The following AP1S3 variants were observed in gnomAD, a reference collection of about 807,000 sequenced individuals.
AP1S3 encodes AP-1 complex subunit sigma-3.
In AP1S3, 10 loss-of-function variants were observed where a neutral mutation model predicts 20.9. The observed-to-expected ratio is 0.48, with a 90% confidence interval of 0.29 to 0.81. AP1S3 has a LOEUF of 0.81. Among genes scored for constraint, AP1S3 ranks in the 30% least tolerant of loss-of-function variants. AP1S3 has a pLI of 0.08. For synonymous variants in AP1S3, 41 were observed against 61.5 expected, an observed-to-expected ratio of 0.67 and a Z score of 1.56; for missense variants, 154 against 183.8, an observed-to-expected ratio of 0.84 and a Z score of 0.94.
At chr2:223,817,357 C>A (rs1276156199) in intron 1 of AP1S3, among the ~76,000 whole-genome samples, 1 of 151,966 alleles carries the variant, frequency 6.6e-6, no homozygotes, top group African/African-American at 2.4e-5. Flanking sequence ...GCCTATAATC[C>A]CAGAACTTTG....
chr2:223,830,348 A>T (rs957450865), intron 1 of AP1S3, among the ~76,000 whole-genome samples: 2 of 151,604 alleles, frequency 1.3e-5, no homozygotes, highest in Non-Finnish European at 2.9e-5. Flanking sequence ...GCGTGTTGGC[A>T]TGCACCTGTA....
At chr2:223,759,687 G>T (rs190214844) in intron 4 of AP1S3, among the ~76,000 whole-genome samples, 2 of 152,166 alleles carry the variant, frequency 1.3e-5, no homozygotes, top group African/African-American at 4.8e-5. Context: ...GTATCATGGG[G>T]ATTTGTTATA....
At position 223,765,338 on chromosome 2, in the gene AP1S3, C is replaced by T; in HGVS notation, c.304G>A (p.Asp102Asn). 1 of 1,612,948 alleles carries T rather than the reference C, an allele frequency of 6.2e-7. No homozygotes were observed. Among genetic ancestry groups the T allele is most frequent in the East Asian group, 2.2e-5 (1 of 44,848 alleles). The change falls in exon 4 of 5, where the codon GAT (aspartate) becomes AAT (asparagine). Residue 102 changes from aspartate to asparagine, a missense_variant. Coordinates refer to ENST00000396654, the MANE Select transcript of AP1S3 (RefSeq NM_001039569.2). Reference protein sequence around the residue: ...DKYFGNVCELDIIFNFEKAYF... With the variant: ...DKYFGNVCELNIIFNFEKAYF... ...GCCTTTTCAAAATTAAAGATAATAT[C>T]CAGCTCACAGACCTGGTGGGACAAA...
At chr2:223,766,187 T>C (rs1426398237) in intron 3 of AP1S3, among the ~76,000 whole-genome samples, 5 of 152,212 alleles carry the variant, frequency 3.3e-5, no homozygotes, top group Non-Finnish European at 5.9e-5. Flanking sequence ...GCTGTTCTCC[T>C]GAAACTCTGC....
At chr2:223,830,883 A>G (rs1692242283) in intron 1 of AP1S3, among the ~76,000 whole-genome samples, 1 of 152,260 alleles carries the variant, frequency 6.6e-6, no homozygotes, top group Non-Finnish European at 1.5e-5. Context: ...GAAAGTTTTT[A>G]GAAGAGGGAT....
intron 1 of AP1S3, among the ~76,000 whole-genome samples, chr2:223,815,323 CT>C (rs963833783): frequency 6.6e-6 from 1 of 152,190 alleles, no homozygotes; most frequent in African/African-American, 2.4e-5. Context: ...GAGAGGCAGA[CT>C]TTGAAGGAGC....
At chr2:223,802,306 TA>T (rs149839615) in intron 1 of AP1S3, among the ~76,000 whole-genome samples, 48,237 of 148,200 alleles carry the variant, frequency 0.33, 8,206 homozygotes, top group African/African-American at 0.4. Flanking sequence ...AGTTTTATTT[TA>T]TTTTTTTTTT....
rs550638882 is a variant in AP1S3 at position 223,788,597 on chromosome 2, CA to C, written c.4-10729del. Among the ~76,000 whole-genome samples the C allele has an allele frequency of 4.1e-3, 422 of 104,002 alleles. 2 individuals are homozygous for C. Among genetic ancestry groups the C allele is most frequent in the South Asian group, 4.8e-3 (16 of 3,340 alleles). The allele number at this position is 104,002 out of a possible 152,430, so 68.2% of individuals were successfully genotyped here. ...TGAAACCCTGTCTCTACTAAAAATACAAAAAAAAAAAAAAAAATTAGCTGGG... is the reference window on the plus strand; with the variant it reads ...TGAAACCCTGTCTCTACTAAAAATACAAAAAAAAAAAAAAAATTAGCTGGG... On this transcript the variant is annotated intron_variant, in intron 1 of 4. Coordinates refer to ENST00000396654, the MANE Select transcript of AP1S3 (RefSeq NM_001039569.2).
In AP1S3 at chr2:223,777,737, T is replaced by A; in HGVS notation, c.136A>T (p.Thr46Ser). 6.2e-7 allele frequency: 1 copy of A among 1,614,144 alleles called. No individual in the cohort carries two copies. Residue 46 changes from threonine to serine, a missense_variant, in exon 2 of 5, where the codon ACA (threonine) becomes TCA (serine). Transcript: ENST00000396654. ...TCCTTCCAGTCAACAAAACTGCTTG[T>A]CCTGTGACCACGGGAGAGAATAATC... ...VQIILSRGHR[T>S]SSFVDWKELK...
chr2:223,774,372 TAATAAATAAATA>T (rs56121039), intron 3 of AP1S3, among the ~76,000 whole-genome samples: 80,197 of 145,358 alleles, frequency 0.55, 22,315 homozygotes, highest in South Asian at 0.75. Context: ...TCTCAATAAA[TAATAAATAAATA>T]AATAAATAAA....
At chr2:223,813,522 T>C (rs1420345226) in intron 1 of AP1S3, among the ~76,000 whole-genome samples, 2 of 152,176 alleles carry the variant, frequency 1.3e-5, no homozygotes, top group African/African-American at 4.8e-5. Context: ...GATTAAGTAA[T>C]TTGCCCAAGG....
intron 1 of AP1S3, among the ~76,000 whole-genome samples, chr2:223,822,177 C>G (rs74958428): frequency 0.18 from 26,650 of 150,532 alleles, 2,979 homozygotes; most frequent in East Asian, 0.41. Context: ...ACTGCTTGAG[C>G]CTAGGAGTTC....
intron 1 of AP1S3, among the ~76,000 whole-genome samples, chr2:223,782,297 G>A (rs913935868): frequency 1.3e-5 from 2 of 152,208 alleles, no homozygotes; most frequent in South Asian, 4.1e-4. Context: ...ACAGGTGTAA[G>A]CCACTGTGCC....
chr2:223,799,842 T>C (rs1444811371), intron 1 of AP1S3, among the ~76,000 whole-genome samples: 1 of 152,112 alleles, frequency 6.6e-6, no homozygotes, highest in Admixed American at 6.6e-5. Flanking sequence ...AATCCAATAA[T>C]ATATAAATAG....
chr2:223,806,957 T>C (rs1026605156), intron 1 of AP1S3, among the ~76,000 whole-genome samples: 1 of 152,184 alleles, frequency 6.6e-6, no homozygotes, highest in Non-Finnish European at 1.5e-5. Context: ...TAAAATTTAA[T>C]TAAAGATTGC....
At position 223,837,508 on chromosome 2, in the gene AP1S3, G is replaced by A. The variant is rs1249797314; in HGVS notation, c.-58C>T. 1 of 1,211,942 alleles carries A rather than the reference G, an allele frequency of 8.3e-7. No homozygotes were observed. The highest frequency in any genetic ancestry group is 1.0e-6 in the Non-Finnish European group (1 of 958,834). 75.1% of individuals were successfully genotyped at this position (1,211,942 alleles called of 1,614,324 possible). A position where few individuals can be genotyped will look rare whatever the true frequency, so the allele number is the denominator to read the frequency against. ...AGCAAGGAGCGCTGGAGAAGCGAGGGCGAGAGGCGAGCGCTGGAGCCGGTG... is the reference window on the plus strand; with the variant it reads ...AGCAAGGAGCGCTGGAGAAGCGAGGACGAGAGGCGAGCGCTGGAGCCGGTG... On this transcript the variant is annotated 5_prime_UTR_variant, in exon 1 of 5. Coordinates refer to ENST00000396654, the MANE Select transcript of AP1S3 (RefSeq NM_001039569.2).
At chr2:223,805,609 C>T (rs1691561778) in intron 1 of AP1S3, among the ~76,000 whole-genome samples, 1 of 152,136 alleles carries the variant, frequency 6.6e-6, no homozygotes. Context: ...TTATCCAACA[C>T]CATTCTAATT....
intron 1 of AP1S3, among the ~76,000 whole-genome samples, chr2:223,812,926 T>G (rs1393621197): frequency 1.3e-5 from 2 of 151,828 alleles, no homozygotes; most frequent in Non-Finnish European, 2.9e-5. Flanking sequence ...TGTGTGGGGT[T>G]TTTTGTTTTT....
intron 1 of AP1S3, among the ~76,000 whole-genome samples, chr2:223,806,444 C>T (rs937652146): frequency 2.0e-5 from 3 of 151,624 alleles, no homozygotes; most frequent in Non-Finnish European, 2.9e-5. Context: ...CCACCACGCC[C>T]GGCTAATTTT....
Sources: allele counts gnomAD v4.1 joint callset (sites outside exome capture counted in the v4.1 genomes callset), GRCh38; gene constraint gnomAD v4.1.1; transcripts MANE v1.5; gene names NCBI Gene and HGNC (gene_info 2026-07-23, HGNC 2026-07-21).